Variants in NPAS3 observed in about 807,000 individuals in gnomAD.
The protein encoded by NPAS3 is neuronal PAS domain protein 3.
In NPAS3, 14 loss-of-function variants were observed where a neutral mutation model predicts 73.1. The observed-to-expected ratio is 0.19, with a 90% CI of 0.13 to 0.30. The LOEUF (loss-of-function observed/expected upper bound fraction) is 0.30. Ranked by LOEUF, NPAS3 falls within the 10% of genes least tolerant of loss-of-function variation. NPAS3 has a pLI of 1.00. For synonymous variants in NPAS3, 620 were observed against 541.5 expected (o/e 1.14, Z -2.01); for missense variants, 1,096 against 1,250.0 (o/e 0.88, Z 1.86).
intron 5 of NPAS3, among the ~76,000 whole-genome samples, chr14:33,573,147 T>C (rs970820084): frequency 6.6e-6 from 1 of 152,076 alleles, no homozygotes; most frequent in African/African-American, 2.4e-5. Flanking sequence ...TTAGAAATAT[T>C]CCAACATTCA....
chr14:33,117,822 A>C (rs1463555871), intron 2 of NPAS3, among the ~76,000 whole-genome samples: 1 of 152,160 alleles, frequency 6.6e-6, no homozygotes, highest in Admixed American at 6.6e-5. Flanking sequence ...AAATGAAAGC[A>C]GCAAATTGAT....
intron 3 of NPAS3, among the ~76,000 whole-genome samples, chr14:33,246,708 G>A (rs1280850684): frequency 6.8e-6 from 1 of 148,138 alleles, no homozygotes; most frequent in Admixed American, 6.7e-5. Flanking sequence ...GAAATAGTAG[G>A]CAGGCCGGGC....
At chr14:32,989,582 C>G (rs113003396) in intron 1 of NPAS3, among the ~76,000 whole-genome samples, 1 of 151,984 alleles carries the variant, frequency 6.6e-6, no homozygotes, top group African/African-American at 2.4e-5. Flanking sequence ...GGGGCGGAGC[C>G]TGCAGTGAGC....
intron 4 of NPAS3, among the ~76,000 whole-genome samples, chr14:33,427,879 T>A (rs1566893908): frequency 6.6e-6 from 1 of 152,068 alleles, no homozygotes. Flanking sequence ...TTGGTAGTAA[T>A]GTTGGTAGTG....
chr14:32,962,560 TTTTCTTTTC>T, intron 1 of NPAS3, among the ~76,000 whole-genome samples: 1 of 140,132 alleles, frequency 7.1e-6, no homozygotes, highest in African/African-American at 2.8e-5. Context: ...TTTCTTTCTT[TTTTCTTTTC>T]TTTTTTTTTT....
intron 2 of NPAS3, among the ~76,000 whole-genome samples, chr14:33,058,721 A>C (rs1038682015): frequency 6.6e-6 from 1 of 152,128 alleles, no homozygotes; most frequent in Admixed American, 6.5e-5. Flanking sequence ...TTAGTTTCAT[A>C]TTTGTGTATG....
intron 5 of NPAS3, among the ~76,000 whole-genome samples, chr14:33,613,013 T>G (rs1317219046): frequency 6.6e-6 from 1 of 152,246 alleles, no homozygotes; most frequent in Non-Finnish European, 1.5e-5. Flanking sequence ...ATGTGTTTCA[T>G]GTTTTATAAT....
intron 2 of NPAS3, among the ~76,000 whole-genome samples, chr14:33,191,902 G>A (rs2046183541): frequency 6.6e-6 from 1 of 152,000 alleles, no homozygotes; most frequent in Non-Finnish European, 1.5e-5. Flanking sequence ...ACAATCCTAG[G>A]TCCCCAAATC....
chr14:32,952,499 C>T (rs549718191), intron 1 of NPAS3, among the ~76,000 whole-genome samples: 1 of 152,134 alleles, frequency 6.6e-6, no homozygotes, highest in East Asian at 1.9e-4. Context: ...TTAGTGTGCC[C>T]TTGCTTGTCT....
chr14:32,937,009 T>C (rs994502859), upstream of NPAS3, among the ~76,000 whole-genome samples: 3 of 151,918 alleles, frequency 2.0e-5, no homozygotes, highest in South Asian at 2.1e-4. Context: ...TTATGTTATA[T>C]TGGCAGAAGA....
intron 4 of NPAS3, among the ~76,000 whole-genome samples, chr14:33,388,705 G>A (rs771902151): frequency 6.6e-6 from 1 of 152,014 alleles, no homozygotes; most frequent in African/African-American, 2.4e-5. Context: ...TTTCCAGATT[G>A]GGAAACTAAA....
intron 5 of NPAS3, among the ~76,000 whole-genome samples, chr14:33,616,175 C>T (rs1033287204): frequency 3.3e-5 from 5 of 152,220 alleles, no homozygotes; most frequent in African/African-American, 1.2e-4. Flanking sequence ...TAGTGTGGTC[C>T]TGACTTCGTA....
intron 4 of NPAS3, among the ~76,000 whole-genome samples, chr14:33,418,318 A>G (rs1478016879): frequency 6.6e-6 from 1 of 151,938 alleles, no homozygotes; most frequent in Non-Finnish European, 1.5e-5. Context: ...TCACCCGGAT[A>G]CCTGCTTTGG....
intron 4 of NPAS3, among the ~76,000 whole-genome samples, chr14:33,457,225 A>G (rs894822825): frequency 2.6e-5 from 4 of 152,224 alleles, no homozygotes; most frequent in African/African-American, 7.2e-5. Flanking sequence ...TCAGTACTAA[A>G]TGGTTCTCCA....
At chr14:33,351,870 G>T (rs912559518) in intron 3 of NPAS3, among the ~76,000 whole-genome samples, 2 of 152,118 alleles carry the variant, frequency 1.3e-5, no homozygotes, top group African/African-American at 4.8e-5. Context: ...ACCCAGGGAA[G>T]GGAGCAATAC....
Position 33,788,650 on chromosome 14 carries a change from C to G in NPAS3, c.1154-5247C>G, listed in dbSNP as rs548591384. Among the ~76,000 whole-genome samples the G allele has an allele frequency of 5.3e-5, 8 of 152,186 alleles. No homozygotes were observed. The South Asian group carries it at 1.0e-3, about 20-fold the overall frequency. Reference sequence around the variant, plus strand: ...AAGAGACCACGTTCTCTTTTTTTCTCCATATTTCTGAAGGCAAACTTGTAC... The same window carrying G: ...AAGAGACCACGTTCTCTTTTTTTCTGCATATTTCTGAAGGCAAACTTGTAC... On this transcript the variant is annotated intron_variant, in intron 9 of 11. Coordinates refer to ENST00000356141, the Ensembl canonical transcript of NPAS3.
chr14:33,503,877 T>C (rs1313665020), intron 4 of NPAS3, among the ~76,000 whole-genome samples: 1 of 152,004 alleles, frequency 6.6e-6, no homozygotes, highest in African/African-American at 2.4e-5. Context: ...GAAACATTCG[T>C]AACTCAATAG....
chr14:33,669,992 T>C (rs2059566057), intron 5 of NPAS3, among the ~76,000 whole-genome samples: 1 of 152,146 alleles, frequency 6.6e-6, no homozygotes, highest in African/African-American at 2.4e-5. Flanking sequence ...CTCAGCTCAC[T>C]GCAACCTCGG....
chr14:33,800,855 G>A lies in NPAS3; in HGVS notation c.2548G>A (p.Ala850Thr), dbSNP rs1412403101. The change falls in exon 12 of 12, where the codon GCT becomes ACT. Residue 850 changes from alanine (A) to threonine (T), a missense_variant. Around this residue, in one of 5 missense-constraint regions of NPAS3, gnomAD observed 698 missense variants for 676.7 expected, o/e 1.03. Transcript: ENST00000356141. This position sits in a 1 kb window ranked among gnomAD's most constrained non-coding sequence, Gnocchi z 6.5. ...GAGCAACCTGCTGCCCAACGCGCAC[G>A]CTGTTAACTTCGTGGACGTTAACAG... 1.9e-6 allele frequency: 3 copies of A among 1,605,434 alleles called. No homozygotes were observed. The highest frequency in any genetic ancestry group is 2.5e-6 in the Non-Finnish European group (3 of 1,176,516).
Sources: allele counts gnomAD v4.1 joint callset (sites outside exome capture counted in the v4.1 genomes callset), GRCh38; gene constraint gnomAD v4.1.1; regional missense constraint gnomAD v4.1.1; non-coding constraint Gnocchi (gnomAD v3.1); transcripts MANE v1.5; gene names NCBI Gene and HGNC (gene_info 2026-07-23, HGNC 2026-07-21).